CSRNP3: variants seen among roughly 807,000 people sequenced by gnomAD.
CSRNP3 encodes cysteine/serine-rich nuclear protein 3.
CSRNP3 carries 12 observed loss-of-function variants against 48.0 expected under a neutral mutation model. The observed-to-expected ratio is 0.25, with a 90% CI of 0.16 to 0.41. The LOEUF (loss-of-function observed/expected upper bound fraction) is 0.41. CSRNP3 is among the 10% of genes least tolerant of loss of function. The pLI is 1.00. For synonymous variants in CSRNP3, 263 were observed against 269.7 expected (o/e 0.98, Z 0.24); for missense variants, 580 against 724.4 (o/e 0.80, Z 2.29).
At chr2:165,602,430 T>C (rs1204791608) in intron 4 of CSRNP3, among the ~76,000 whole-genome samples, 1 of 152,222 alleles carries the variant, frequency 6.6e-6, no homozygotes, top group Non-Finnish European at 1.5e-5. Context: ...TGGGACCAGC[T>C]GCAGATCATA....
At chr2:165,477,466 A>AATAT (rs34169125) in intron 1 of CSRNP3, among the ~76,000 whole-genome samples, 32,430 of 130,378 alleles carry the variant, frequency 0.25, 4,191 homozygotes, top group East Asian at 0.33. Context: ...TAAAAATACA[A>AATAT]ATATATATAT....
At chr2:165,674,353 A>G (rs1319454936) in intron 5 of CSRNP3, among the ~76,000 whole-genome samples, 1 of 152,066 alleles carries the variant, frequency 6.6e-6, no homozygotes, top group Non-Finnish European at 1.5e-5. Flanking sequence ...AGTGTATGTT[A>G]GGCAATTATA....
At chr2:165,615,259 C>A (rs1220324712) in intron 4 of CSRNP3, among the ~76,000 whole-genome samples, 4 of 151,976 alleles carry the variant, frequency 2.6e-5, no homozygotes, top group Non-Finnish European at 5.9e-5. Context: ...TAGTTATATC[C>A]TTTGCCGGGT....
Position 165,522,919 on chromosome 2 carries a change from T to C in CSRNP3, c.-24+4958T>C, listed in dbSNP as rs576638839. Among the ~76,000 whole-genome samples the C allele has an allele frequency of 9.9e-5, 15 of 152,168 alleles. No homozygotes were observed. The Middle Eastern group carries it at 0.01, about 104-fold the overall frequency. ...TATACCACTCTGCAGATTTATGGTG[T>C]TCTAATCTGAGGTAGCCCCTCAATA... On this transcript the variant is annotated intron_variant, in intron 3 of 6. Transcript: ENST00000651982.
intron 3 of CSRNP3, among the ~76,000 whole-genome samples, chr2:165,592,962 C>T (rs370817458): frequency 0.017 from 2,595 of 151,156 alleles, 39 homozygotes; most frequent in Admixed American, 0.026. Flanking sequence ...CCACTACGCC[C>T]GGCTAATTTT....
rs934268398 is a variant in CSRNP3, at chr2:165,480,885, A to C, written c.-283+11145A>C. On this transcript the variant is annotated intron_variant, in intron 1 of 6. Transcript: ENST00000651982. The stretch of plus-strand genomic sequence containing the variant: ...TAATGTTGGCTAGGTGCAGTGGCTC[A>C]TACCTGTAATCTCTGCACTTTGAGA... Among the ~76,000 whole-genome samples the C allele has an allele frequency of 9.8e-4, 146 of 149,352 alleles. 2 individuals are homozygous for C. The highest frequency in any genetic ancestry group is 3.4e-3 in the African/African-American group (138 of 40,940).
chr2:165,503,090 G>A (rs1553470987), intron 2 of CSRNP3, among the ~76,000 whole-genome samples: 1 of 151,658 alleles, frequency 6.6e-6, no homozygotes, highest in Non-Finnish European at 1.5e-5. Context: ...CTAACTCTAT[G>A]TTTGCTAGTG....
At chr2:165,673,131 CTTTTTTT>C (rs3032370) in intron 5 of CSRNP3, among the ~76,000 whole-genome samples, 3 of 67,126 alleles carry the variant, frequency 4.5e-5, no homozygotes, top group African/African-American at 5.9e-5. Context: ...GTATGTAGCT[CTTTTTTT>C]TTTTTTTTTT....
At chr2:165,492,903 T>C (rs1417412702) in intron 1 of CSRNP3, among the ~76,000 whole-genome samples, 2 of 105,610 alleles carry the variant, frequency 1.9e-5, no homozygotes, top group African/African-American at 7.6e-5. Flanking sequence ...TAGAACAGCA[T>C]AAATGACCAA....
intron 3 of CSRNP3, among the ~76,000 whole-genome samples, chr2:165,538,151 C>T (rs1684905484): frequency 6.6e-6 from 1 of 151,900 alleles, no homozygotes; most frequent in Admixed American, 6.6e-5. Context: ...ATTATTCATC[C>T]CACAACACAG....
At chr2:165,659,745 G>A (rs961229507) in intron 5 of CSRNP3, among the ~76,000 whole-genome samples, 1 of 152,120 alleles carries the variant, frequency 6.6e-6, no homozygotes, top group Non-Finnish European at 1.5e-5. Context: ...TAACATAAAT[G>A]GTCGTTTGTT....
At chr2:165,535,661 G>C (rs1266388920) in intron 3 of CSRNP3, among the ~76,000 whole-genome samples, 1 of 151,754 alleles carries the variant, frequency 6.6e-6, no homozygotes, top group Non-Finnish European at 1.5e-5. Flanking sequence ...GCTATGATGA[G>C]AGAGAATAAA....
chr2:165,595,339 T>G, intron 4 of CSRNP3, 126 bp downstream of exon 4: 2 of 866,650 alleles, frequency 2.3e-6, no homozygotes, highest in Non-Finnish European at 3.5e-6. Context: ...CAAAGAACAC[T>G]TACCCAAAAA....
Position 165,632,880 on chromosome 2 carries a change from A to T in CSRNP3, c.149-24881A>T, listed in dbSNP as rs200660151. 5.9e-5 allele frequency among the ~76,000 whole-genome samples: 9 copies of T among 152,364 alleles called. No homozygotes were observed. The East Asian group carries it at 1.2e-3, about 20-fold the overall frequency. On this transcript the variant is annotated intron_variant, in intron 4 of 6. Coordinates refer to ENST00000651982, the MANE Select transcript of CSRNP3 (RefSeq NM_001172173.2). ...CCTATCTGCAAAGTAGAAATCCGTT[A>T]TATCATTTCTAAGGCTATTCCAGAA...
At chr2:165,616,754 T>C (rs777716723) in intron 4 of CSRNP3, among the ~76,000 whole-genome samples, 3 of 152,190 alleles carry the variant, frequency 2.0e-5, no homozygotes, top group Non-Finnish European at 4.4e-5. Flanking sequence ...ATTAAATATA[T>C]GTTGGATTGT....
chr2:165,631,757 A>C (rs950893548), intron 4 of CSRNP3, among the ~76,000 whole-genome samples: 12 of 151,922 alleles, frequency 7.9e-5, no homozygotes, highest in Non-Finnish European at 1.6e-4. Context: ...GGCCAAACCC[A>C]CTCTTTCACC....
chr2:165,592,991 C>CG (rs1255246666), intron 3 of CSRNP3, among the ~76,000 whole-genome samples: 1 of 151,210 alleles, frequency 6.6e-6, no homozygotes, highest in Non-Finnish European at 1.5e-5. Flanking sequence ...TTAGTAGAGA[C>CG]GGGGTTTCAC....
intron 3 of CSRNP3, among the ~76,000 whole-genome samples, chr2:165,534,807 A>G (rs1684860860): frequency 6.6e-6 from 1 of 151,808 alleles, no homozygotes; most frequent in Admixed American, 6.6e-5. Context: ...ATATCTTAGT[A>G]CATTAATAAT....
At chr2:165,499,266 G>A (rs1285676104) in intron 2 of CSRNP3, among the ~76,000 whole-genome samples, 5 of 152,088 alleles carry the variant, frequency 3.3e-5, no homozygotes, top group Admixed American at 6.6e-5. Context: ...TGAAATCTGC[G>A]CCTGAAGCAA....
Sources: gnomAD v4.1 joint callset for allele counts (sites outside exome capture counted in the v4.1 genomes callset) on GRCh38, gnomAD v4.1.1 for gene constraint, MANE v1.5 for transcripts, NCBI Gene and HGNC (gene_info 2026-07-23, HGNC 2026-07-21) for gene names.